HOMER2: variants seen among roughly 807,000 people sequenced by gnomAD.
The protein encoded by HOMER2 is homer protein homolog 2.
Under a neutral mutation model 47.0 loss-of-function variants are expected in HOMER2, and 27 were observed. The observed-to-expected ratio is 0.57, with a 90% CI of 0.42 to 0.79. The LOEUF (loss-of-function observed/expected upper bound fraction) is 0.79, where lower values mean the gene tolerates loss of function less well. Ranked by LOEUF, HOMER2 falls within the 30% of genes least tolerant of loss-of-function variation. The pLI is 0.00. For synonymous variants in HOMER2, 161 were observed against 163.8 expected (o/e 0.98, Z 0.13); for missense variants, 443 against 435.0 (o/e 1.02, Z -0.16).
At chr15:82,972,287 C>T (rs2030019241) in intron 1 of HOMER2, among the ~76,000 whole-genome samples, 1 of 152,170 alleles carries the variant, frequency 6.6e-6, no homozygotes. Context: ...CTTAACCATC[C>T]AAGAACTCCT....
At chr15:82,907,502 A>AGAAG (rs753700647) in intron 1 of HOMER2, among the ~76,000 whole-genome samples, 354 of 152,008 alleles carry the variant, frequency 2.3e-3, no homozygotes, top group Middle Eastern at 0.01. Context: ...AAAGAAAGCA[A>AGAAG]GAAGGAAGGA....
rs181562709 is a variant in HOMER2 at position 82,979,185 on chromosome 15, C to G, written n.82+6602G>C. ...ACTGTGAGTCAATTAAACCTCTTCCCTTTATAAATTACCTAGTCTTGGGTA... is the reference window on the plus strand; with the variant it reads ...ACTGTGAGTCAATTAAACCTCTTCCGTTTATAAATTACCTAGTCTTGGGTA... On this transcript the variant is annotated intron_variant and non_coding_transcript_variant, in intron 1 of 1. Transcript: ENST00000500334. Among the ~76,000 whole-genome samples, 194 of 152,324 alleles carry G rather than the reference C, an allele frequency of 1.3e-3. 1 individual carries two copies. The highest frequency in any genetic ancestry group is 2.5e-3 in the Non-Finnish European group (168 of 68,028).
At chr15:82,966,496 GGGAGGTTGACAACCTAGGATACTAGTTT>G (rs1596387037) in intron 1 of HOMER2, among the ~76,000 whole-genome samples, 1 of 152,274 alleles carries the variant, frequency 6.6e-6, no homozygotes, top group East Asian at 1.9e-4. Context: ...CTGACTCTTA[GGGAGGTTGACAACCTAGGATACTAGTTT>G]GGACAGTGTG....
rs1190355094 is a variant in HOMER2 at position 82,952,560 on chromosome 15, T to C, written c.-25A>G. The stretch of plus-strand genomic sequence containing the variant: ...TCTCCGGCGCTGCTCCGGCGGCCGC[T>C]CCGACGGGGCCTCTCGCGCTCGCTC... On this transcript the variant is annotated 5_prime_UTR_variant, in exon 1 of 9. Transcript: ENST00000450735. The C allele has an allele frequency of 1.4e-5, 17 of 1,172,424 alleles. No individual in the cohort carries two copies. The highest frequency in any genetic ancestry group is 1.6e-5 in the Non-Finnish European group (15 of 950,018). The allele number at this position is 1,172,424 out of a possible 1,614,324, so 72.6% of individuals were successfully genotyped here. A position where few individuals can be genotyped will look rare whatever the true frequency, so the allele number is the denominator to read the frequency against.
chr15:82,951,014 C>A (rs1379693158), intron 1 of HOMER2, among the ~76,000 whole-genome samples: 6 of 152,042 alleles, frequency 3.9e-5, no homozygotes, highest in Admixed American at 3.9e-4. Context: ...CTTACATTTG[C>A]CAACTCCTTT....
At chr15:82,846,418 C>G (rs1387300125), downstream of HOMER2, 1 of 152,254 alleles carries the variant, frequency 6.6e-6, no homozygotes, top group Non-Finnish European at 1.5e-5. Flanking sequence ...TTTTTGTAAA[C>G]TGTCCTTTGC....
At chr15:82,903,660 AACACACACAC>A (rs57941285) in intron 1 of HOMER2, among the ~76,000 whole-genome samples, 7 of 150,088 alleles carry the variant, frequency 4.7e-5, no homozygotes, top group Non-Finnish European at 7.4e-5. Context: ...AACTCCTCTA[AACACACACAC>A]ACACACACGC....
At chr15:82,866,504 A>C (rs1368346160) in intron 3 of HOMER2, among the ~76,000 whole-genome samples, 3 of 152,182 alleles carry the variant, frequency 2.0e-5, no homozygotes, top group Non-Finnish European at 4.4e-5. Flanking sequence ...TTGGGAAGGC[A>C]TGACTGGTTT....
chr15:82,949,214 A>G (rs1596379530), intron 1 of HOMER2, among the ~76,000 whole-genome samples: 2 of 152,190 alleles, frequency 1.3e-5, no homozygotes, highest in Non-Finnish European at 2.9e-5. Flanking sequence ...GAAAGATCTG[A>G]GCTAGAAATT....
chr15:82,933,224 C>A (rs548852634), intron 1 of HOMER2, among the ~76,000 whole-genome samples: 42 of 152,130 alleles, frequency 2.8e-4, no homozygotes, highest in African/African-American at 9.9e-4. Context: ...ACCCCACATC[C>A]CACATTAAGA....
chr15:82,925,421 T>C (rs2053831056), intron 1 of HOMER2, among the ~76,000 whole-genome samples: 1 of 152,148 alleles, frequency 6.6e-6, no homozygotes, highest in Admixed American at 6.5e-5. Flanking sequence ...ACAGGTCTCT[T>C]CCTCCCATGA....
chr15:82,980,414 C>T (rs1247096603), intron 1 of HOMER2, among the ~76,000 whole-genome samples: 1 of 152,166 alleles, frequency 6.6e-6, no homozygotes, highest in African/African-American at 2.4e-5. Flanking sequence ...CCCTGACCTG[C>T]CTTTTCTTTC....
At position 82,896,209 on chromosome 15, in the gene HOMER2, GC is replaced by G. The variant is rs774292461; in HGVS notation, c.6-3369del. Among the ~76,000 whole-genome samples the G allele has an allele frequency of 7.2e-4, 110 of 152,258 alleles. 1 individual carries two copies. Among genetic ancestry groups the G allele is most frequent in the Admixed American group, 2.1e-3 (32 of 15,296 alleles). Reference sequence around the variant, plus strand: ...GTGGAGATGAGTGCGGCCTGTGGTGGCCCAGCAGTAGCCTTCCGCAAGCACT... The same window carrying G: ...GTGGAGATGAGTGCGGCCTGTGGTGGCCAGCAGTAGCCTTCCGCAAGCACT... On this transcript the variant is annotated intron_variant, in intron 1 of 8. Transcript: ENST00000450735.
At chr15:82,907,989 A>C (rs1567047032) in intron 1 of HOMER2, among the ~76,000 whole-genome samples, 1 of 152,234 alleles carries the variant, frequency 6.6e-6, no homozygotes, top group Non-Finnish European at 1.5e-5. Context: ...CAGTGAAAGA[A>C]GGCAGTCACA....
At chr15:82,882,195 A>G (rs1385209086) in intron 2 of HOMER2, among the ~76,000 whole-genome samples, 1 of 152,216 alleles carries the variant, frequency 6.6e-6, no homozygotes, top group Non-Finnish European at 1.5e-5. Context: ...CAGTGTCTAT[A>G]AACAGGGACA....
intron 1 of HOMER2, among the ~76,000 whole-genome samples, chr15:82,976,641 T>C (rs1002972229): frequency 4.0e-5 from 6 of 150,046 alleles, no homozygotes; most frequent in African/African-American, 1.2e-4. Flanking sequence ...TGGTTGACTC[T>C]ACAATTAGTA....
intron 3 of HOMER2, among the ~76,000 whole-genome samples, chr15:82,868,937 G>A (rs2052085040): frequency 1.3e-5 from 2 of 152,076 alleles, no homozygotes; most frequent in African/African-American, 4.8e-5. Context: ...ACTGGTTAAT[G>A]GGCTCACCAG....
At chr15:82,892,580 A>G (rs566940559) in intron 2 of HOMER2, 105 bp downstream of exon 2, 2 of 848,496 alleles carry the variant, frequency 2.4e-6, no homozygotes, top group East Asian at 2.6e-5. Context: ...TATGTTATAC[A>G]GACATTATAA....
In HOMER2 at chr15:82,849,500, CAG is replaced by C. The variant is rs2051317702; in HGVS notation, c.*213_*214del. ...TAGACCTAGTTCTGGATTCCTGAGT[CAG>C]AATCTTCCAGTTGTCCACAACCTCA... On this transcript the variant is annotated 3_prime_UTR_variant, in exon 9 of 9. Coordinates refer to ENST00000450735, the MANE Select transcript of HOMER2 (RefSeq NM_004839.4). 1 of 564,420 alleles carries C rather than the reference CAG, an allele frequency of 1.8e-6. No individual in the cohort carries two copies. Among genetic ancestry groups the C allele is most frequent in the Non-Finnish European group, 3.1e-6 (1 of 318,750 alleles). The allele number at this position is 564,420 out of a possible 1,614,324, so 35.0% of individuals were successfully genotyped here.
Sources: allele counts gnomAD v4.1 joint callset (sites outside exome capture counted in the v4.1 genomes callset), GRCh38; gene constraint gnomAD v4.1.1; transcripts MANE v1.5; gene names NCBI Gene and HGNC (gene_info 2026-07-23, HGNC 2026-07-21).